The following ZNF343 variants were observed in gnomAD, a reference collection of about 807,000 sequenced individuals.
ZNF343 encodes the protein zinc finger protein 343.
In ZNF343, 11 loss-of-function variants were observed where a neutral mutation model predicts 13.8. The ratio of observed to expected loss-of-function variants is 0.80; its 90% CI spans 0.50 to 1.32. ZNF343 has a LOEUF of 1.32. ZNF343 is among the 40% of genes most tolerant of loss of function. The probability of loss-of-function intolerance (pLI) is 0.00; values close to 1 mark genes in which losing one functional copy is unlikely to be tolerated. For missense variants in ZNF343, 658 were observed against 714.2 expected (o/e 0.92, Z 0.90); for synonymous variants, 248 against 260.0 (o/e 0.95, Z 0.44).
rs941881063 is a variant in ZNF343 at position 2,483,019 on chromosome 20, A to G, written c.*142T>C. The G allele has an allele frequency of 5.9e-6, 6 of 1,022,742 alleles. No individual in the cohort carries two copies. The highest frequency in any genetic ancestry group is 1.7e-5 in the South Asian group (1 of 59,064). The allele number at this position is 1,022,742 out of a possible 1,614,324, so 63.4% of individuals were successfully genotyped here. On this transcript the variant is annotated 3_prime_UTR_variant, in exon 6 of 6. Transcript: ENST00000278772. Reference sequence around the variant, plus strand: ...CCTGAACGTGTCCCTCCCATGCCTGATAAGGGCTGACACATCTCTGGAACT... The same window carrying G: ...CCTGAACGTGTCCCTCCCATGCCTGGTAAGGGCTGACACATCTCTGGAACT...
At chr20:2,504,961 G>A (rs984112573) in intron 1 of ZNF343, among the ~76,000 whole-genome samples, 1 of 152,186 alleles carries the variant, frequency 6.6e-6, no homozygotes, top group African/African-American at 2.4e-5. Flanking sequence ...AGGGCAATCA[G>A]GCAGGAGAAG....
chr20:2,487,794 AAGGTTGCCTAT>A (rs1384341366), intron 5 of ZNF343, among the ~76,000 whole-genome samples: 3 of 152,214 alleles, frequency 2.0e-5, no homozygotes, highest in African/African-American at 7.2e-5. Flanking sequence ...TGCAGTGTAT[AAGGTTGCCTAT>A]AGCCCTCAGC....
At position 2,492,760 on chromosome 20, in the gene ZNF343, T is replaced by C; in HGVS notation, c.243A>G (p.Pro81=). 1 of 1,613,750 alleles carries C rather than the reference T, an allele frequency of 6.2e-7. No homozygotes were observed. The highest frequency in any genetic ancestry group is 8.5e-7 in the Non-Finnish European group (1 of 1,179,944). ...CTTCTTTGTATAGATTCCTCTGCTC[T>C]GGACTCAGTCTCTTCCATTCTGCTT... ...FTEAEWKRLS[P]EQRNLYKEVM... Residue 81 remains proline (P), a synonymous_variant, in exon 5 of 6, where the codon CCA becomes CCG. Transcript: ENST00000278772.
chr20:2,518,643 T>C lies in ZNF343; in HGVS notation c.-347+5812A>G, dbSNP rs1215648378. Among the ~76,000 whole-genome samples, 1 of 151,802 alleles carries C rather than the reference T, an allele frequency of 6.6e-6. No individual in the cohort carries two copies. The highest frequency in any genetic ancestry group is 1.5e-5 in the Non-Finnish European group (1 of 67,946). On this transcript the variant is annotated intron_variant, in intron 1 of 6. Coordinates refer to the ZNF343 transcript ENST00000358413. This position sits in a 1 kb window ranked among gnomAD's most constrained non-coding sequence, Gnocchi z 4.6. ...CACTACCTTCCAACATACCACATGC[T>C]CTCAGCCCCGTGTCCACTTCCCTAC...
At chr20:2,492,607 G>C in intron 5 of ZNF343, 92 bp downstream of exon 5, 4 of 1,485,216 alleles carry the variant, frequency 2.7e-6, no homozygotes, top group Non-Finnish European at 3.7e-6. Context: ...CTAATGTGTT[G>C]TAAGTATCTA....
intron 1 of ZNF343, among the ~76,000 whole-genome samples, chr20:2,524,235 G>A (rs185676069): frequency 5.5e-4 from 82 of 150,066 alleles, no homozygotes; most frequent in African/African-American, 1.9e-3. Context: ...TGCTTGAGCT[G>A]GGGAGGTCGA....
intron 1 of ZNF343, among the ~76,000 whole-genome samples, chr20:2,520,606 A>G (rs1377570505): frequency 6.6e-6 from 1 of 152,070 alleles, no homozygotes; most frequent in Non-Finnish European, 1.5e-5. Context: ...TGCTTATTTT[A>G]TTTTATTTTA....
At chr20:2,500,119 A>G (rs6036719) in intron 2 of ZNF343, among the ~76,000 whole-genome samples, 103,049 of 150,942 alleles carry the variant, frequency 0.68, 35,508 homozygotes, top group African/African-American at 0.72. Flanking sequence ...GAAAATGAGG[A>G]GGTGGGGGGC....
chr20:2,511,138 G>A (rs1254780478), upstream of ZNF343, among the ~76,000 whole-genome samples: 1 of 150,846 alleles, frequency 6.6e-6, no homozygotes, highest in East Asian at 1.9e-4. Flanking sequence ...TTTGGACAGG[G>A]ACTTGCTCTG....
At chr20:2,493,391 G>GC in intron 4 of ZNF343, 128 bp downstream of exon 4, 7 of 845,110 alleles carry the variant, frequency 8.3e-6, no homozygotes, top group Non-Finnish European at 1.4e-5. Context: ...TTTCAAGAAA[G>GC]CCTAATGCTT....
chr20:2,490,537 G>GTTTTTTTTTTTTTTTTTTTTTTTT (rs67601660), intron 5 of ZNF343, among the ~76,000 whole-genome samples: 6 of 124,650 alleles, frequency 4.8e-5, no homozygotes, highest in African/African-American at 8.9e-5. Context: ...CTTTTTTTTG[G>GTTTTTTTTTTTTTTTTTTTTTTTT]TTTTTGTTTT....
upstream of ZNF343, among the ~76,000 whole-genome samples, chr20:2,512,070 A>G (rs965354733): frequency 3.3e-5 from 5 of 152,244 alleles, no homozygotes; most frequent in African/African-American, 1.2e-4. Context: ...TCCATTTGCA[A>G]TAGCATCAAA....
intron 2 of ZNF343, among the ~76,000 whole-genome samples, chr20:2,499,880 T>C (rs1441060337): frequency 1.3e-5 from 2 of 152,194 alleles, no homozygotes; most frequent in African/African-American, 4.8e-5. Context: ...GTTAAGTGTG[T>C]ACAGTTTGAA....
rs531604052 is a variant in ZNF343, at chr20:2,487,752, C to T, written c.305-3096G>A. On this transcript the variant is annotated intron_variant, in intron 5 of 5. Transcript: ENST00000278772. The stretch of plus-strand genomic sequence containing the variant: ...CGTTACATGTTGCCAAATTTCCCTC[C>T]ATAATGGCTGCAGCATTTCTGCATT... 4.6e-5 allele frequency among the ~76,000 whole-genome samples: 7 copies of T among 152,346 alleles called. 1 individual carries two copies. In the South Asian group the frequency reaches 1.4e-3, roughly 32 times the overall value.
At chr20:2,499,736 A>C (rs1044917449) in intron 2 of ZNF343, among the ~76,000 whole-genome samples, 2 of 152,200 alleles carry the variant, frequency 1.3e-5, no homozygotes, top group African/African-American at 4.8e-5. Flanking sequence ...AAAGACTCAG[A>C]GCTCCGGCTG....
intron 1 of ZNF343, among the ~76,000 whole-genome samples, chr20:2,501,872 C>G (rs1029776018): frequency 2.7e-4 from 41 of 152,186 alleles, no homozygotes; most frequent in African/African-American, 9.9e-4. Context: ...AAAAACAGAG[C>G]AGAAAAACTG....
chr20:2,509,775 T>C (rs968213837), upstream of ZNF343, among the ~76,000 whole-genome samples: 18 of 152,334 alleles, frequency 1.2e-4, no homozygotes, highest in Admixed American at 3.3e-4. Flanking sequence ...CTTCAGCTCA[T>C]AGGAGGCGCG....
upstream of ZNF343, among the ~76,000 whole-genome samples, chr20:2,512,718 G>A (rs2085743746): frequency 6.6e-6 from 1 of 152,086 alleles, no homozygotes; most frequent in African/African-American, 2.4e-5. Context: ...GAAAGCATAA[G>A]GGTTAATTTT....
intron 5 of ZNF343, among the ~76,000 whole-genome samples, chr20:2,489,815 C>T (rs898623988): frequency 6.6e-6 from 1 of 151,920 alleles, no homozygotes; most frequent in Non-Finnish European, 1.5e-5. Context: ...TCTAACAATG[C>T]CCTTGAAGAA....
Sources: gnomAD v4.1 joint callset for allele counts (sites outside exome capture counted in the v4.1 genomes callset) on GRCh38, gnomAD v4.1.1 for gene constraint, Gnocchi (gnomAD v3.1) non-coding constraint, MANE v1.5 for transcripts, NCBI Gene and HGNC (gene_info 2026-07-23, HGNC 2026-07-21) for gene names.